The following CHRDL1 variants were observed in gnomAD, a reference collection of about 807,000 sequenced individuals.
The protein encoded by CHRDL1 is chordin like 1.
CHRDL1 carries 19 observed loss-of-function variants against 40.9 expected under a neutral mutation model. The ratio of observed to expected loss-of-function variants is 0.46; its 90% CI spans 0.32 to 0.68. The LOEUF is 0.68. CHRDL1 is among the 30% of genes least tolerant of loss of function. The probability of loss-of-function intolerance (pLI) is 0.03; values close to 1 mark genes in which losing one functional copy is unlikely to be tolerated. For synonymous variants in CHRDL1, 136 were observed against 123.4 expected (o/e 1.10, Z -0.68); for missense variants, 329 against 352.1 (o/e 0.93, Z 0.53).
chrX:110,748,643 A>G (rs770612563), intron 4 of CHRDL1, among the ~76,000 whole-genome samples: 7 of 112,224 alleles, frequency 6.2e-5, no homozygotes, highest in Non-Finnish European at 1.1e-4. Flanking sequence ...CCTCTTCTCA[A>G]ATTTCTTCTC....
chrX:110,719,765 T>C, intron 6 of CHRDL1, 70 bp downstream of exon 6: 7 of 637,657 alleles, frequency 1.1e-5, no homozygotes, highest in Non-Finnish European at 1.7e-5. Context: ...TAGACAGGTA[T>C]TTTCCTCCTT....
chrX:110,697,477 T>C (rs771514263), intron 7 of CHRDL1, among the ~76,000 whole-genome samples: 56 of 110,877 alleles, frequency 5.1e-4, no homozygotes, highest in Non-Finnish European at 8.9e-4. Flanking sequence ...AAAAGTTTAA[T>C]TTAAAAAGCG....
At chrX:110,791,379 G>C (rs1314746944) in intron 2 of CHRDL1, among the ~76,000 whole-genome samples, 3 of 111,659 alleles carry the variant, frequency 2.7e-5, no homozygotes, top group African/African-American at 9.8e-5. Flanking sequence ...CGGATATGTC[G>C]ACCGTTACTC....
At chrX:110,713,128 C>G (rs1481763916) in intron 6 of CHRDL1, among the ~76,000 whole-genome samples, 4 of 111,073 alleles carry the variant, frequency 3.6e-5, no homozygotes, top group Non-Finnish European at 7.5e-5. Flanking sequence ...GAGACAGTCT[C>G]AGAAGTCTTC....
At chrX:110,762,121 C>A (rs1485051453) in intron 3 of CHRDL1, among the ~76,000 whole-genome samples, 1 of 112,463 alleles carries the variant, frequency 8.9e-6, no homozygotes, top group Non-Finnish European at 1.9e-5. Context: ...CTATCAGGCT[C>A]TTCTGCCTTC....
chrX:110,740,717 G>C (rs1164344828), intron 4 of CHRDL1, among the ~76,000 whole-genome samples: 1 of 111,584 alleles, frequency 9.0e-6, no homozygotes. Flanking sequence ...TTCCCCAAAA[G>C]AATGGAGGAT....
At chrX:110,740,736 T>C (rs1490730158) in intron 4 of CHRDL1, among the ~76,000 whole-genome samples, 1 of 111,725 alleles carries the variant, frequency 9.0e-6, no homozygotes, top group East Asian at 2.8e-4. Flanking sequence ...ATAAGAGTGA[T>C]TTTTTCCCCA....
intron 4 of CHRDL1, among the ~76,000 whole-genome samples, chrX:110,743,892 C>G (rs1462272195): frequency 9.0e-6 from 1 of 110,599 alleles, no homozygotes; most frequent in African/African-American, 3.3e-5. Flanking sequence ...GGTGGTGAGG[C>G]GGGTAGGCAG....
At chrX:110,766,193 T>C (rs1019148019) in intron 2 of CHRDL1, among the ~76,000 whole-genome samples, 13 of 111,510 alleles carry the variant, frequency 1.2e-4, no homozygotes, top group Admixed American at 3.8e-4. Context: ...GGGATAAGGC[T>C]AAGGCAGTGC....
chrX:110,774,578 A>C (rs935851232), intron 2 of CHRDL1, among the ~76,000 whole-genome samples: 1 of 111,326 alleles, frequency 9.0e-6, no homozygotes, highest in African/African-American at 3.3e-5. Flanking sequence ...AACAAGTCTA[A>C]AGATCTAATA....
rs2069768351 is a variant in CHRDL1 at position 110,675,962 on chromosome X, T to C, written c.*269A>G. 3 of 233,797 alleles carry C rather than the reference T, an allele frequency of 1.3e-5. No homozygotes were observed. The East Asian group carries it at 2.1e-4, about 16-fold the overall frequency. The allele number at this position is 233,797 out of a possible 1,213,427, so 19.3% of individuals were successfully genotyped here. A position where few individuals can be genotyped will look rare whatever the true frequency, so the allele number is the denominator to read the frequency against. On this transcript the variant is annotated 3_prime_UTR_variant, in exon 12 of 12. Coordinates refer to ENST00000372042, the MANE Select transcript of CHRDL1 (RefSeq NM_001143981.2). The stretch of plus-strand genomic sequence containing the variant: ...GTCTTTAACCTGTAAAGAAATGTGA[T>C]TCTCCAAGAAACTAGAGCAGTGTTG...
chrX:110,788,252 T>C (rs1642909135), intron 2 of CHRDL1, among the ~76,000 whole-genome samples: 1 of 112,225 alleles, frequency 8.9e-6, no homozygotes, highest in Admixed American at 9.4e-5. Flanking sequence ...ATAAGAGAAA[T>C]TGTAACTATG....
At chrX:110,681,681 T>C (rs756728583) in intron 9 of CHRDL1, 32 bp from the exon 10 acceptor site, 2 of 1,125,351 alleles carry the variant, frequency 1.8e-6, no homozygotes, top group South Asian at 3.9e-5. Flanking sequence ...AATTTTGTCA[T>C]GGTTTTCTAA....
chrX:110,767,108 G>A (rs2089674464), intron 2 of CHRDL1, among the ~76,000 whole-genome samples: 1 of 112,111 alleles, frequency 8.9e-6, no homozygotes, highest in Non-Finnish European at 1.9e-5. Context: ...CATCTCAATA[G>A]ATGCAGAAAA....
intron 2 of CHRDL1, among the ~76,000 whole-genome samples, chrX:110,765,429 T>G (rs1465222667): frequency 8.9e-6 from 1 of 112,409 alleles, no homozygotes; most frequent in African/African-American, 3.2e-5. Flanking sequence ...GTTTTTATAG[T>G]TTCAGGTCTT....
At chrX:110,716,621 G>A (rs760730919) in intron 6 of CHRDL1, among the ~76,000 whole-genome samples, 2 of 110,488 alleles carry the variant, frequency 1.8e-5, no homozygotes, top group African/African-American at 3.3e-5. Context: ...GGATTTTGAA[G>A]GATAAGCAGG....
intron 4 of CHRDL1, among the ~76,000 whole-genome samples, chrX:110,733,488 G>A (rs766364134): frequency 8.9e-6 from 1 of 111,849 alleles, no homozygotes; most frequent in Non-Finnish European, 1.9e-5. Context: ...CTCATGGTCT[G>A]CCTGTTTGCA....
chrX:110,786,633 C>A (rs1255615066), intron 2 of CHRDL1, among the ~76,000 whole-genome samples: 1 of 112,334 alleles, frequency 8.9e-6, no homozygotes, highest in Non-Finnish European at 1.9e-5. Flanking sequence ...AACCAGGTCT[C>A]TTGACTTTAA....
chrX:110,751,005 C>A (rs1842504), intron 4 of CHRDL1, among the ~76,000 whole-genome samples: 2,349 of 111,534 alleles, frequency 0.021, 66 homozygotes, highest in African/African-American at 0.072. Context: ...GTGGGCAGTT[C>A]TCTTGACCTC....
Sources: gnomAD v4.1 joint callset for allele counts (sites outside exome capture counted in the v4.1 genomes callset) on GRCh38, gnomAD v4.1.1 for gene constraint, MANE v1.5 for transcripts, NCBI Gene and HGNC (gene_info 2026-07-23, HGNC 2026-07-21) for gene names.